The following VILL variants were observed in gnomAD, a reference collection of about 807,000 sequenced individuals.
VILL encodes the protein villin-like protein.
VILL carries 102 observed loss-of-function variants against 106.3 expected under a neutral mutation model. The observed-to-expected ratio is 0.96, with a 90% CI of 0.82 to 1.13. The LOEUF is 1.13. VILL is among the 50% of genes most tolerant of loss of function. The probability of loss-of-function intolerance (pLI) is 0.00; values close to 1 mark genes in which losing one functional copy is unlikely to be tolerated. For missense variants in VILL, 1,076 were observed against 1,116.6 expected, an observed-to-expected ratio of 0.96 and a Z score of 0.52; for synonymous variants, 431 against 440.3, an observed-to-expected ratio of 0.98 and a Z score of 0.27.
chr3:38,005,981 G>T lies in VILL; in HGVS notation c.2133+7G>T. 2 of 1,607,470 alleles carry T rather than the reference G, an allele frequency of 1.2e-6. No individual in the cohort carries two copies. The highest frequency in any genetic ancestry group is 1.7e-6 in the Non-Finnish European group (2 of 1,175,546). Reference sequence around the variant, plus strand: ...GGACCCCTACAAGTGGACTGTGAGTGAGGCCTGAAACCCCCAGCCCTACCC... The same window carrying T: ...GGACCCCTACAAGTGGACTGTGAGTTAGGCCTGAAACCCCCAGCCCTACCC... On this transcript the variant is annotated splice_region_variant and intron_variant, in intron 17 of 19. Coordinates refer to ENST00000383759, the MANE Select transcript of VILL (RefSeq NM_015873.4).
Position 37,998,327 on chromosome 3 carries a change from G to T in VILL, c.905G>T (p.Ser302Ile), listed in dbSNP as rs776372065. The T allele has an allele frequency of 1.9e-6, 3 of 1,614,180 alleles. No individual in the cohort carries two copies. The South Asian group carries it at 3.3e-5, about 18-fold the overall frequency. Residue 302 changes from serine (S) to isoleucine (I), a missense_variant, in exon 9 of 20, where the codon AGC becomes ATC. Transcript: ENST00000383759. This position sits in a 1 kb window ranked among gnomAD's most constrained non-coding sequence, Gnocchi z 4.1. ...KIYVWQGRMSSLQERKAAFSR... is the reference protein window; with the variant it reads ...KIYVWQGRMSILQERKAAFSR... ...TATGTGTGGCAGGGACGCATGTCTA[G>T]CCTCCAGGAGAGAAAGGCTGCCTTC... is the stretch of plus-strand genomic sequence containing the variant.
intron 3 of VILL, 100 bp from the exon 4 acceptor site, chr3:37,994,161 C>G (rs1003769263): frequency 2.7e-6 from 4 of 1,468,270 alleles, no homozygotes; most frequent in Non-Finnish European, 3.7e-6. Context: ...CGCGGAAGCC[C>G]CTGCCTAGCG....
Position 37,997,676 on chromosome 3 carries a change from G to T in VILL, c.755G>T (p.Arg252Leu). Residue 252 changes from arginine (R) to leucine (L), a missense_variant, in exon 7 of 20, where the codon CGC becomes CTC. Arg to Leu is a moderately radical substitution (Grantham distance 102, BLOSUM62 -2). Coordinates refer to ENST00000383759, the MANE Select transcript of VILL (RefSeq NM_015873.4). This position sits in a 1 kb window ranked among gnomAD's most constrained non-coding sequence, Gnocchi z 4.7. Reference sequence around the variant, plus strand: ...AACCAGCTGCAGAAGGCCAATGTTCGCCTGTACCAGTGAGTACCCCTGGGG... The same window carrying T: ...AACCAGCTGCAGAAGGCCAATGTTCTCCTGTACCAGTGAGTACCCCTGGGG... ...DINQLQKANV[R>L]LYHVYEKGKD... 1.3e-6 allele frequency: 2 copies of T among 1,502,596 alleles called. No homozygotes were observed. The highest frequency in any genetic ancestry group is 1.8e-6 in the Non-Finnish European group (2 of 1,105,516). 93.1% of individuals were successfully genotyped at this position (1,502,596 alleles called of 1,614,324 possible). A position where few individuals can be genotyped will look rare whatever the true frequency, so the allele number is the denominator to read the frequency against.
In VILL at chr3:37,998,054, G is replaced by A; in HGVS notation, c.765-36G>A. The A allele has an allele frequency of 6.4e-7, 1 of 1,562,000 alleles. No homozygotes were observed. Among genetic ancestry groups the A allele is most frequent in the Non-Finnish European group, 8.7e-7 (1 of 1,150,134 alleles). ...TGGAGTGGAGACAGATCAGGGAGGG[G>A]CTGGGCTGGCCACTCCTGGGTTCCT... On this transcript the variant is annotated intron_variant, in intron 7 of 19. Transcript: ENST00000383759. The surrounding 1 kb of genome is among the most constrained non-coding windows in gnomAD (Gnocchi z 4.1).
intron 13 of VILL, chr3:38,002,072 T>A: frequency 1.2e-6 from 1 of 808,158 alleles, no homozygotes; most frequent in Non-Finnish European, 1.9e-6. Context: ...GAATTTGAGT[T>A]GAAAGGGAGC....
At position 37,993,912 on chromosome 3, in the gene VILL, G is replaced by A; in HGVS notation, c.75G>A (p.Val25=). ...TCCTCTCCCAGAACCGGAAGATGGT[G>A]CCGGTACCCGAGGGGGCTTACGGGA... ...HIWISENRKM[V]PVPEGAYGNF... is the part of the protein sequence containing the mutation. The change falls in exon 3 of 20, where the codon GTG becomes GTA. Residue 25 remains valine (V), a synonymous_variant. Transcript: ENST00000383759. 2 of 1,614,218 alleles carry A rather than the reference G, an allele frequency of 1.2e-6. No homozygotes were observed. Among genetic ancestry groups the A allele is most frequent in the Non-Finnish European group, 1.7e-6 (2 of 1,180,036 alleles).
intron 16 of VILL, among the ~76,000 whole-genome samples, 168 bp from the exon 17 acceptor site, chr3:38,005,624 C>T (rs762241781): frequency 2.0e-5 from 3 of 152,142 alleles, no homozygotes; most frequent in African/African-American, 4.8e-5. Context: ...GTGACCTTCT[C>T]GTGTGTTCAC....
At chr3:38,006,356 C>A (rs1219239883) in intron 18 of VILL, 93 bp from the exon 19 acceptor site, 1 of 1,600,566 alleles carries the variant, frequency 6.2e-7, no homozygotes, top group African/African-American at 1.3e-5. Context: ...GGAGGGGCTG[C>A]AGTTGGAGGT....
chr3:38,003,103 GGACGTGGGGCCGGA>G, intron 14 of VILL, 51 bp from the exon 15 acceptor site: 1 of 1,574,720 alleles, frequency 6.4e-7, no homozygotes, highest in Non-Finnish European at 8.6e-7. Flanking sequence ...CCTGTGAACG[GGACGTGGGGCCGGA>G]GGTGAAGGCC....
chr3:38,001,325 A>C (rs1699811671), intron 11 of VILL, 131 bp from the exon 12 acceptor site: 1 of 1,355,944 alleles, frequency 7.4e-7, no homozygotes, highest in Non-Finnish European at 1.0e-6. Flanking sequence ...CCTGGAGCTG[A>C]GGGTGGGCCC....
At chr3:38,002,010 C>T (rs1488364313) in intron 13 of VILL, 150 bp downstream of exon 13, 21 of 1,308,630 alleles carry the variant, frequency 1.6e-5, no homozygotes, top group Admixed American at 6.4e-5. Context: ...CCAGGAGCTC[C>T]AAGGTTGGCC....
At chr3:38,000,113 C>G (rs570293464) in intron 11 of VILL, among the ~76,000 whole-genome samples, 3 of 152,356 alleles carry the variant, frequency 2.0e-5, no homozygotes, top group Admixed American at 6.5e-5. Context: ...AAACTGTGGT[C>G]CCATCTGGCC....
chr3:38,003,762 G>A (rs1699863434), intron 15 of VILL: 1 of 195,928 alleles, frequency 5.1e-6, no homozygotes, highest in African/African-American at 2.3e-5. Context: ...AGGTAGGAGT[G>A]AGGCCTCAAG....
chr3:38,000,968 C>G, intron 11 of VILL: 1 of 457,462 alleles, frequency 2.2e-6, no homozygotes, highest in Non-Finnish European at 4.4e-6. Context: ...CAGGCTCTGC[C>G]ACCCACAGGA....
chr3:37,998,468 A>G lies in VILL; in HGVS notation c.942+104A>G, dbSNP rs1295443905. On this transcript the variant is annotated intron_variant, in intron 9 of 19. Transcript: ENST00000383759. This position sits in a 1 kb window ranked among gnomAD's most constrained non-coding sequence, Gnocchi z 4.1. ...CTAAGGGAGGAATCAGCCCTCCCCT[A>G]GAGTTTGAGTTGGGAAATCCTATGC... 2.9e-6 allele frequency: 3 copies of G among 1,043,644 alleles called. No individual in the cohort carries two copies. The highest frequency in any genetic ancestry group is 4.3e-6 in the Non-Finnish European group (3 of 704,312). The allele number at this position is 1,043,644 out of a possible 1,614,324, so 64.6% of individuals were successfully genotyped here. A position where few individuals can be genotyped will look rare whatever the true frequency, so the allele number is the denominator to read the frequency against.
chr3:37,996,880 C>A (rs959966990), intron 5 of VILL, among the ~76,000 whole-genome samples, 197 bp from the exon 6 acceptor site: 31 of 152,142 alleles, frequency 2.0e-4, no homozygotes, highest in African/African-American at 7.5e-4. Flanking sequence ...TATACATGTA[C>A]AGCAACAGAC....
intron 11 of VILL, chr3:38,001,106 C>T (rs1035067457): frequency 5.9e-6 from 3 of 511,064 alleles, no homozygotes; most frequent in Admixed American, 2.4e-5. Context: ...CCTTTCCGCC[C>T]GGCTTCTGTT....
In VILL at chr3:37,997,372, G is replaced by T; in HGVS notation, c.562-111G>T. 7.9e-7 allele frequency: 1 copy of T among 1,272,364 alleles called. No homozygotes were observed. The allele number at this position is 1,272,364 out of a possible 1,614,324, so 78.8% of individuals were successfully genotyped here. A position where few individuals can be genotyped will look rare whatever the true frequency, so the allele number is the denominator to read the frequency against. ...GTCCCCCTGGATGCCAGGATGAGGG[G>T]ACATCAGCCCTTCTCCCCATCAGCC... On this transcript the variant is annotated intron_variant, in intron 6 of 19. Transcript: ENST00000383759. This position sits in a 1 kb window ranked among gnomAD's most constrained non-coding sequence, Gnocchi z 4.7.
At position 38,006,464 on chromosome 3, in the gene VILL, C is replaced by T. The variant is rs200122241; in HGVS notation, c.2221C>T (p.Arg741Trp). The part of the protein sequence containing the change: ...SEITAEVNNL[R>W]LSRWPGNGRA... ...CTCTGGACAGGAAGTCAACAACTTG[C>T]GGCTATCCAGATGGCCGGGCAATGG... The change falls in exon 19 of 20, where the codon CGG becomes TGG. Residue 741 changes from arginine (R) to tryptophan (W), a missense_variant. Arg to Trp is a moderately radical substitution (Grantham distance 101). Transcript: ENST00000383759. 95 of 1,602,682 alleles carry T rather than the reference C, an allele frequency of 5.9e-5. No homozygotes were observed. Among genetic ancestry groups the T allele is most frequent in the South Asian group, 1.7e-4 (15 of 90,148 alleles).
Sources: gnomAD v4.1 joint callset for allele counts (sites outside exome capture counted in the v4.1 genomes callset) on GRCh38, gnomAD v4.1.1 for gene constraint, Gnocchi (gnomAD v3.1) non-coding constraint, MANE v1.5 for transcripts, NCBI Gene and HGNC (gene_info 2026-07-23, HGNC 2026-07-21) for gene names.